The following RARB variants were observed in gnomAD, a reference collection of about 807,000 sequenced individuals.
The protein encoded by RARB is retinoic acid receptor beta.
Under a neutral mutation model 51.9 loss-of-function variants are expected in RARB, and 17 were observed. The ratio of observed to expected loss-of-function variants is 0.33; its 90% confidence interval spans 0.22 to 0.49. The LOEUF is 0.49. Among genes scored for constraint, RARB ranks in the 20% least tolerant of loss-of-function variants. RARB has a pLI of 0.99. For synonymous variants in RARB, 215 were observed against 195.4 expected (o/e 1.10, Z -0.84); for missense variants, 369 against 550.8 (o/e 0.67, Z 3.30).
chr3:25,089,896 G>C (rs1363251622), intron 3 of RARB, among the ~76,000 whole-genome samples: 2 of 152,104 alleles, frequency 1.3e-5, no homozygotes, highest in Non-Finnish European at 2.9e-5. Context: ...CCAGATGTTA[G>C]TATATTAGCC....
intron 3 of RARB, among the ~76,000 whole-genome samples, chr3:25,097,357 A>G (rs189307969): frequency 1.3e-5 from 2 of 152,352 alleles, no homozygotes; most frequent in Admixed American, 1.3e-4. Context: ...GTACTAAAAA[A>G]GAAAGTAACA....
intron 2 of RARB, among the ~76,000 whole-genome samples, chr3:24,983,328 C>A (rs892016418): frequency 1.3e-5 from 2 of 151,472 alleles, no homozygotes; most frequent in African/African-American, 4.9e-5. Context: ...TTATTAGCAT[C>A]TTTCTCCTTC....
chr3:25,076,301 G>T (rs527493515), intron 3 of RARB, among the ~76,000 whole-genome samples: 1 of 151,892 alleles, frequency 6.6e-6, no homozygotes, highest in African/African-American at 2.4e-5. Flanking sequence ...CCACCATTCC[G>T]GCTAATTTTT....
chr3:25,069,038 T>G (rs533590734), intron 3 of RARB, among the ~76,000 whole-genome samples: 2 of 150,930 alleles, frequency 1.3e-5, no homozygotes, highest in Non-Finnish European at 2.9e-5. Flanking sequence ...CACACACACC[T>G]CATGAAGTCA....
intron 2 of RARB, among the ~76,000 whole-genome samples, chr3:24,986,147 A>G: frequency 6.6e-6 from 1 of 152,226 alleles, no homozygotes; most frequent in East Asian, 1.9e-4. Context: ...AGTACAGTTC[A>G]TTGACTCAGG....
intron 2 of RARB, among the ~76,000 whole-genome samples, chr3:25,045,945 A>G (rs981441494): frequency 6.6e-6 from 1 of 152,230 alleles, no homozygotes; most frequent in Admixed American, 6.5e-5. Flanking sequence ...GTTTGATCAG[A>G]TTTAATATTC....
chr3:24,836,376 A>T (rs1702345721), intron 1 of RARB, among the ~76,000 whole-genome samples: 1 of 152,162 alleles, frequency 6.6e-6, no homozygotes, highest in Admixed American at 6.5e-5. Context: ...TTTCTAGCAA[A>T]GTTTGTTCAA....
intron 4 of RARB, among the ~76,000 whole-genome samples, chr3:25,168,854 C>T (rs770810982): frequency 1.3e-5 from 2 of 152,080 alleles, no homozygotes; most frequent in Non-Finnish European, 1.5e-5. Flanking sequence ...TTTTTCCTAA[C>T]AGGACTTGAG....
At chr3:24,976,937 G>A (rs966779119) in intron 2 of RARB, among the ~76,000 whole-genome samples, 1 of 152,066 alleles carries the variant, frequency 6.6e-6, no homozygotes. Context: ...TAATTTTTGT[G>A]TAAGGTGTAA....
chr3:25,321,923 A>G (rs1704583455), intron 5 of RARB, among the ~76,000 whole-genome samples: 1 of 152,032 alleles, frequency 6.6e-6, no homozygotes, highest in South Asian at 2.1e-4. Flanking sequence ...GGCAGGCAGT[A>G]GAAGGATGGA....
chr3:25,020,346 T>C (rs1697607421), intron 2 of RARB: 1 of 151,800 alleles, frequency 6.6e-6, no homozygotes. Context: ...GATACCAAAC[T>C]TAGTGTAGAC....
chr3:24,868,779 C>A (rs1702895938), intron 2 of RARB, among the ~76,000 whole-genome samples: 1 of 152,176 alleles, frequency 6.6e-6, no homozygotes, highest in African/African-American at 2.4e-5. Flanking sequence ...AAGTCATAGA[C>A]AATAACTTTT....
intron 2 of RARB, among the ~76,000 whole-genome samples, chr3:25,013,460 C>T (rs1417417668): frequency 1.3e-5 from 2 of 152,086 alleles, no homozygotes; most frequent in African/African-American, 4.8e-5. Context: ...TTAACCATCT[C>T]ATCTTCTAAC....
chr3:25,107,444 TAA>T (rs1175428072), intron 3 of RARB, among the ~76,000 whole-genome samples: 1 of 152,190 alleles, frequency 6.6e-6, no homozygotes, highest in Non-Finnish European at 1.5e-5. Flanking sequence ...AGCTTAATAT[TAA>T]CTGCTATTAT....
chr3:25,218,553 A>G (rs866427494), intron 5 of RARB, among the ~76,000 whole-genome samples: 1 of 152,302 alleles, frequency 6.6e-6, no homozygotes, highest in Middle Eastern at 3.4e-3. Context: ...AACCTCAACC[A>G]GTGGTTTCTT....
chr3:25,597,346 C>G lies in RARB; in HGVS notation c.*730C>G, dbSNP rs968023673. 6.6e-6 allele frequency: 1 copy of G among 152,480 alleles called. No individual in the cohort carries two copies. Among genetic ancestry groups the G allele is most frequent in the Non-Finnish European group, 1.5e-5 (1 of 68,028 alleles). 9.4% of individuals were successfully genotyped at this position (152,480 alleles called of 1,614,324 possible). On this transcript the variant is annotated 3_prime_UTR_variant, in exon 8 of 8. Coordinates refer to ENST00000330688, the MANE Select transcript of RARB (RefSeq NM_000965.5). ...TTCAGTTAATCAAATGTCATTTGTT[C>G]AATTGTTAATGTCACTTTAAATTAA... is the stretch of plus-strand genomic sequence containing the variant.
At chr3:25,216,449 G>A (rs992877410) in intron 5 of RARB, among the ~76,000 whole-genome samples, 5 of 152,100 alleles carry the variant, frequency 3.3e-5, no homozygotes, top group Non-Finnish European at 7.3e-5. Context: ...CATGGATGAA[G>A]CTGGACGCTA....
intron 4 of RARB, among the ~76,000 whole-genome samples, chr3:25,156,008 T>C (rs1022101438): frequency 1.3e-5 from 2 of 152,220 alleles, no homozygotes; most frequent in Non-Finnish European, 2.9e-5. Context: ...GTGAGTCTGC[T>C]TTTTCTCTGT....
At position 25,380,308 on chromosome 3, in the gene RARB, G is replaced by A. The variant is rs528211910; in HGVS notation, c.179-80885G>A. Reference sequence around the variant, plus strand: ...CCATCCTCTTTCCCACTCCGTACCCGTTGGGTGAACCCAGCTCTTAATCTA... The same window carrying A: ...CCATCCTCTTTCCCACTCCGTACCCATTGGGTGAACCCAGCTCTTAATCTA... On this transcript the variant is annotated intron_variant, in intron 5 of 11. Transcript: ENST00000383772. Among the ~76,000 whole-genome samples, 10 of 152,226 alleles carry A rather than the reference G, an allele frequency of 6.6e-5. No individual in the cohort carries two copies. The South Asian group carries it at 8.3e-4, about 13-fold the overall frequency.
Sources: gnomAD v4.1 joint callset for allele counts (sites outside exome capture counted in the v4.1 genomes callset) on GRCh38, gnomAD v4.1.1 for gene constraint, MANE v1.5 for transcripts, NCBI Gene and HGNC (gene_info 2026-07-23, HGNC 2026-07-21) for gene names.